Variants in CPLX2 observed in about 807,000 individuals in gnomAD.
CPLX2 encodes the protein complexin 2, also known as complexin-2.
CPLX2 carries 5 observed loss-of-function variants against 16.3 expected under a neutral mutation model. The observed-to-expected ratio is 0.31, with a 90% CI of 0.16 to 0.64. The LOEUF is 0.64. Ranked by LOEUF, CPLX2 falls within the 30% of genes least tolerant of loss-of-function variation. The pLI is 0.79. For missense variants in CPLX2, 144 were observed against 181.4 expected, an observed-to-expected ratio of 0.79 and a Z score of 1.18; for synonymous variants, 89 against 73.2, an observed-to-expected ratio of 1.22 and a Z score of -1.10.
At chr5:175,843,107 T>C (rs1581087569) in intron 2 of CPLX2, among the ~76,000 whole-genome samples, 1 of 151,786 alleles carries the variant, frequency 6.6e-6, no homozygotes, top group Admixed American at 6.6e-5. Flanking sequence ...GGTCAGCGGG[T>C]AGGGGAGGGC....
chr5:175,865,498 A>G (rs1412747058), intron 2 of CPLX2, among the ~76,000 whole-genome samples: 1 of 152,226 alleles, frequency 6.6e-6, no homozygotes, highest in Non-Finnish European at 1.5e-5. Context: ...GGAAGGCTGG[A>G]AACTAAAAAT....
At chr5:175,871,884 C>T (rs1232564673) in intron 1 of CPLX2, 179 bp downstream of exon 1, 4 of 152,302 alleles carry the variant, frequency 2.6e-5, no homozygotes, top group African/African-American at 9.6e-5. Context: ...GGGACACTCC[C>T]GGGTGCGCTC....
At chr5:175,851,201 G>T (rs1026139091) in intron 2 of CPLX2, among the ~76,000 whole-genome samples, 6 of 152,190 alleles carry the variant, frequency 3.9e-5, no homozygotes, top group Admixed American at 1.3e-4. Flanking sequence ...CAGGTTGAAA[G>T]GTGGCCCCCT....
chr5:175,808,377 T>C (rs952342969), intron 1 of CPLX2, among the ~76,000 whole-genome samples: 1 of 152,008 alleles, frequency 6.6e-6, no homozygotes, highest in Non-Finnish European at 1.5e-5. Flanking sequence ...GGAAACAAAG[T>C]CATGTAACGG....
At chr5:175,833,887 C>T (rs1581082396) in intron 2 of CPLX2, among the ~76,000 whole-genome samples, 1 of 152,118 alleles carries the variant, frequency 6.6e-6, no homozygotes, top group African/African-American at 2.4e-5. Context: ...CATCCCCTTT[C>T]CTGGTGAGCT....
intron 2 of CPLX2, among the ~76,000 whole-genome samples, chr5:175,828,341 G>T (rs1758660996): frequency 6.6e-6 from 1 of 152,182 alleles, no homozygotes; most frequent in Admixed American, 6.5e-5. Context: ...CTGGACGAAA[G>T]AAGACTCGGG....
intron 2 of CPLX2, among the ~76,000 whole-genome samples, chr5:175,866,434 C>T (rs1163584919): frequency 6.6e-6 from 1 of 152,142 alleles, no homozygotes; most frequent in East Asian, 1.9e-4. Flanking sequence ...AGGATGGGGG[C>T]AAGGAGACTG....
Position 175,845,729 on chromosome 5 carries a change from A to G in CPLX2, c.-88-32923A>G, listed in dbSNP as rs766993530. 5.6e-4 allele frequency among the ~76,000 whole-genome samples: 85 copies of G among 152,090 alleles called. No individual in the cohort carries two copies. The highest frequency in any genetic ancestry group is 1.0e-3 in the Non-Finnish European group (71 of 68,020). On this transcript the variant is annotated intron_variant, in intron 2 of 4. Transcript: ENST00000359546. The surrounding 1 kb of genome is among the most constrained non-coding windows in gnomAD (Gnocchi z 4.0). ...GGCACAGAGAAAGAGCCCGAGGGAT[A>G]TTTGTGGGATAAATGGATGAGTGAT...
intron 2 of CPLX2, among the ~76,000 whole-genome samples, chr5:175,815,485 A>C (rs934326148): frequency 6.6e-6 from 1 of 152,054 alleles, no homozygotes; most frequent in African/African-American, 2.4e-5. Context: ...GTTACCACAC[A>C]GGCACGGGGC....
chr5:175,857,031 C>A (rs909275727), intron 2 of CPLX2, among the ~76,000 whole-genome samples: 1 of 152,202 alleles, frequency 6.6e-6, no homozygotes, highest in African/African-American at 2.4e-5. Context: ...GGACTCATGA[C>A]AGATTCTACC....
At chr5:175,817,081 A>G (rs1758421566) in intron 2 of CPLX2, among the ~76,000 whole-genome samples, 1 of 152,244 alleles carries the variant, frequency 6.6e-6, no homozygotes, top group Non-Finnish European at 1.5e-5. Flanking sequence ...AGCCTTGGCC[A>G]GACCATGGCC....
intron 2 of CPLX2, among the ~76,000 whole-genome samples, chr5:175,850,153 T>G (rs201918229): frequency 4.5e-3 from 56 of 12,584 alleles, no homozygotes; most frequent in African/African-American, 7.4e-3. Flanking sequence ...AGTTTTTTTG[T>G]TTTTTTTTTT....
At chr5:175,839,781 G>A (rs1037418000) in intron 2 of CPLX2, among the ~76,000 whole-genome samples, 2 of 152,162 alleles carry the variant, frequency 1.3e-5, no homozygotes, top group Non-Finnish European at 2.9e-5. Flanking sequence ...TCAAAATTAG[G>A]AACTTCATTG....
At chr5:175,799,567 TATATATATAG>T (rs1221616605) in intron 1 of CPLX2, among the ~76,000 whole-genome samples, 33 of 143,994 alleles carry the variant, frequency 2.3e-4, no homozygotes, top group African/African-American at 7.1e-4. Flanking sequence ...TATATATATA[TATATATATAG>T]TAATCACAGC....
chr5:175,877,526 C>G (rs1042466643), intron 1 of CPLX2, among the ~76,000 whole-genome samples: 8 of 152,188 alleles, frequency 5.3e-5, no homozygotes, highest in African/African-American at 1.9e-4. Flanking sequence ...CCTTGGGGAG[C>G]AGGCCTGGCC....
intron 2 of CPLX2, among the ~76,000 whole-genome samples, chr5:175,843,843 G>A (rs963757950): frequency 1.1e-4 from 17 of 152,234 alleles, no homozygotes; most frequent in Admixed American, 1.3e-4. Context: ...CTATAGCCCC[G>A]GGCCAGGTGG....
At chr5:175,802,760 G>C (rs1758123317) in intron 1 of CPLX2, among the ~76,000 whole-genome samples, 2 of 152,102 alleles carry the variant, frequency 1.3e-5, no homozygotes, top group Admixed American at 6.6e-5. Flanking sequence ...GGCCCACTGG[G>C]TCATTTTGCA....
At chr5:175,847,334 G>C (rs1244213282) in intron 2 of CPLX2, among the ~76,000 whole-genome samples, 1 of 152,154 alleles carries the variant, frequency 6.6e-6, no homozygotes, top group Non-Finnish European at 1.5e-5. Context: ...AGGATCCAAG[G>C]CAATCTGAGA....
rs979809671 is a variant in CPLX2 at position 175,830,037 on chromosome 5, C to T, written c.-89+20969C>T. Among the ~76,000 whole-genome samples the T allele has an allele frequency of 2.0e-5, 3 of 152,216 alleles. No individual in the cohort carries two copies. The highest frequency in any genetic ancestry group is 4.4e-5 in the Non-Finnish European group (3 of 68,042). ...AAGCCAGTCACAGGTCACTGCCTAG[C>T]GGTCTCTCTCATCCACCAGCGTGGC... On this transcript the variant is annotated intron_variant, in intron 2 of 4. Coordinates refer to the CPLX2 transcript ENST00000359546. This position sits in a 1 kb window ranked among gnomAD's most constrained non-coding sequence, Gnocchi z 4.0.
Sources: gnomAD v4.1 joint callset for allele counts (sites outside exome capture counted in the v4.1 genomes callset) on GRCh38, gnomAD v4.1.1 for gene constraint, Gnocchi (gnomAD v3.1) non-coding constraint, MANE v1.5 for transcripts, NCBI Gene and HGNC (gene_info 2026-07-23, HGNC 2026-07-21) for gene names.